Variants in SHISAL1 observed in about 807,000 individuals in gnomAD.
SHISAL1 encodes shisa like 1, also known as protein shisa-like-1.
Under a neutral mutation model 22.6 loss-of-function variants are expected in SHISAL1, and 9 were observed. The ratio of observed to expected loss-of-function variants is 0.40; its 90% confidence interval spans 0.24 to 0.70. SHISAL1 has a LOEUF of 0.70. SHISAL1 is among the 30% of genes least tolerant of loss of function. SHISAL1 has a pLI of 0.39. For missense variants in SHISAL1, 246 were observed against 270.6 expected (o/e 0.91, Z 0.64); for synonymous variants, 119 against 115.4 (o/e 1.03, Z -0.20).
intron 3 of SHISAL1, among the ~76,000 whole-genome samples, chr22:44,291,888 G>A (rs1166792521): frequency 2.0e-5 from 3 of 152,016 alleles, no homozygotes; most frequent in African/African-American, 7.2e-5. Context: ...GCTGGTGTCT[G>A]GCAGTGCCCT....
chr22:44,255,693 A>G (rs1601775585), intron 4 of SHISAL1, among the ~76,000 whole-genome samples: 1 of 152,192 alleles, frequency 6.6e-6, no homozygotes, highest in Non-Finnish European at 1.5e-5. Context: ...AGAAAACCTA[A>G]GTCCAATTAC....
intron 4 of SHISAL1, among the ~76,000 whole-genome samples, chr22:44,260,836 C>T (rs1398543919): frequency 1.3e-5 from 2 of 152,052 alleles, no homozygotes; most frequent in Admixed American, 6.5e-5. Flanking sequence ...TGGCCGAGGC[C>T]TCCCCATGGT....
the SHISAL1 span, among the ~76,000 whole-genome samples, chr22:44,325,254 A>G: frequency 1.3e-5 from 2 of 151,762 alleles, no homozygotes; most frequent in Admixed American, 6.6e-5. Context: ...AAAGAAAAAA[A>G]AAAAAAAAGA....
intron 1 of SHISAL1, among the ~76,000 whole-genome samples, chr22:44,309,336 C>T (rs891143871): frequency 1.3e-5 from 2 of 152,148 alleles, no homozygotes; most frequent in Non-Finnish European, 2.9e-5. Flanking sequence ...AGCATTAGCA[C>T]GGATTAGTAA....
the SHISAL1 span, among the ~76,000 whole-genome samples, chr22:44,331,421 G>T: frequency 6.8e-6 from 1 of 148,106 alleles, no homozygotes; most frequent in East Asian, 2.0e-4. The surrounding 1 kb of genome is among the most constrained non-coding windows in gnomAD (Gnocchi z 5.2). Flanking sequence ...TTTCCCCGCC[G>T]CTCTCGGACC....
In SHISAL1 at chr22:44,250,946, C is replaced by G. The variant is rs1462856169; in HGVS notation, c.*-1261G>C. 7.9e-5 allele frequency among the ~76,000 whole-genome samples: 12 copies of G among 152,302 alleles called. 1 individual carries two copies. The South Asian group carries it at 2.5e-3, about 32-fold the overall frequency. The stretch of plus-strand genomic sequence containing the variant: ...GTGAGTGATACGCCAAGAGGCAGAA[C>G]CTACTCTCCACCCTTTGCATTAGTG... On this transcript the variant is annotated intron_variant, in intron 4 of 4. Transcript: ENST00000381176.
chr22:44,305,897 T>C (rs2055467780), intron 1 of SHISAL1, among the ~76,000 whole-genome samples: 1 of 151,990 alleles, frequency 6.6e-6, no homozygotes, highest in Non-Finnish European at 1.5e-5. Context: ...CATGAGGAGG[T>C]AGGGGCTGCC....
At chr22:44,266,559 T>TGTGTGTGTGTGTGTGTGTGTGTGTG (rs1555926298) in intron 4 of SHISAL1, among the ~76,000 whole-genome samples, 2 of 142,540 alleles carry the variant, frequency 1.4e-5, no homozygotes, top group Non-Finnish European at 3.0e-5. Flanking sequence ...TGTGTGTGTG[T>TGTGTGTGTGTGTGTGTGTGTGTGTG]TGGAGGGCTC....
At chr22:44,288,646 A>T (rs1241770194) in intron 3 of SHISAL1, among the ~76,000 whole-genome samples, 1 of 152,216 alleles carries the variant, frequency 6.6e-6, no homozygotes, top group Non-Finnish European at 1.5e-5. Flanking sequence ...GTCTCAAAAA[A>T]AGAAAAACAA....
intron 4 of SHISAL1, among the ~76,000 whole-genome samples, chr22:44,263,880 G>A (rs1015837878): frequency 8.5e-5 from 13 of 152,214 alleles, no homozygotes; most frequent in Non-Finnish European, 1.9e-4. Context: ...CTAAATCCGT[G>A]TTGCTTTAAG....
At chr22:44,328,090 G>A in the SHISAL1 span, among the ~76,000 whole-genome samples, 34 of 152,284 alleles carry the variant, frequency 2.2e-4, no homozygotes, top group African/African-American at 7.2e-4. Context: ...TAAGAAGGGA[G>A]GGGATAGCTT....
At chr22:44,321,452 G>T in the SHISAL1 span, among the ~76,000 whole-genome samples, 1 of 152,094 alleles carries the variant, frequency 6.6e-6, no homozygotes, top group South Asian at 2.1e-4. Flanking sequence ...CTCTGGGAGG[G>T]TCCCCTTGAT....
the SHISAL1 span, among the ~76,000 whole-genome samples, chr22:44,323,459 T>TCCACCCACC: frequency 2.3e-3 from 248 of 109,748 alleles, 3 homozygotes; most frequent in East Asian, 4.5e-3. Flanking sequence ...CATCCATCCA[T>TCCACCCACC]TCATCCATCC....
chr22:44,266,560 T>TGTGTGTGTGTGTGTGTGTGTGTGTGTGTG, intron 4 of SHISAL1, among the ~76,000 whole-genome samples: 2 of 82,966 alleles, frequency 2.4e-5, no homozygotes, highest in Non-Finnish European at 5.4e-5. Context: ...GTGTGTGTGT[T>TGTGTGTGTGTGTGTGTGTGTGTGTGTGTG]GGAGGGCTCT....
chr22:44,305,604 C>G (rs969597026), intron 1 of SHISAL1, among the ~76,000 whole-genome samples: 2 of 152,208 alleles, frequency 1.3e-5, no homozygotes, highest in Non-Finnish European at 2.9e-5. Context: ...GGAATCCCAG[C>G]CCTGCGGGAC....
chr22:44,304,325 G>A (rs2055455153), intron 1 of SHISAL1, among the ~76,000 whole-genome samples: 1 of 152,254 alleles, frequency 6.6e-6, no homozygotes, highest in South Asian at 2.1e-4. Context: ...AGTGCTCATG[G>A]CCTGGCCCTG....
chr22:44,301,051 G>T (rs139930368), intron 1 of SHISAL1, 74 bp from the exon 2 acceptor site: 1 of 1,045,930 alleles, frequency 9.6e-7, no homozygotes. Context: ...CCACAGCGGG[G>T]GACGGGCAGG....
At chr22:44,268,986 G>T (rs135420) in intron 4 of SHISAL1, among the ~76,000 whole-genome samples, 1 of 151,744 alleles carries the variant, frequency 6.6e-6, no homozygotes, top group Non-Finnish European at 1.5e-5. Flanking sequence ...CCTTCATCCC[G>T]GGCTCCGACC....
intron 4 of SHISAL1, among the ~76,000 whole-genome samples, chr22:44,273,666 T>C (rs2147282159): frequency 6.6e-6 from 1 of 152,368 alleles, no homozygotes; most frequent in South Asian, 2.1e-4. Context: ...TGGTATTGCT[T>C]ACAGCAAATC....
Sources: allele counts gnomAD v4.1 joint callset (sites outside exome capture counted in the v4.1 genomes callset), GRCh38; gene constraint gnomAD v4.1.1; non-coding constraint Gnocchi (gnomAD v3.1); transcripts MANE v1.5; gene names NCBI Gene and HGNC (gene_info 2026-07-23, HGNC 2026-07-21).